PTPRD: variants seen among roughly 807,000 people sequenced by gnomAD.
PTPRD encodes the protein receptor-type tyrosine-protein phosphatase delta.
PTPRD carries 34 observed loss-of-function variants against 214.5 expected under a neutral mutation model. The ratio of observed to expected loss-of-function variants is 0.16; its 90% CI spans 0.12 to 0.21. PTPRD has a LOEUF of 0.21. Ranked by LOEUF, PTPRD falls within the 10% of genes least tolerant of loss-of-function variation. The probability of loss-of-function intolerance (pLI) is 1.00; values close to 1 mark genes in which losing one functional copy is unlikely to be tolerated. For missense variants in PTPRD, 2,545 were observed against 2,398.7 expected, an observed-to-expected ratio of 1.06 and a Z score of -1.27; for synonymous variants, 1,128 against 845.7, an observed-to-expected ratio of 1.33 and a Z score of -5.79.
intron 4 of PTPRD, among the ~76,000 whole-genome samples, chr9:10,031,637 T>TAC (rs1255630031): frequency 3.9e-5 from 3 of 77,400 alleles, no homozygotes; most frequent in African/African-American, 3.0e-4. Flanking sequence ...TATATATATA[T>TAC]ATATATATAT....
intron 26 of PTPRD, among the ~76,000 whole-genome samples, chr9:8,496,797 C>T (rs1239709255): frequency 6.6e-6 from 1 of 152,168 alleles, no homozygotes; most frequent in African/African-American, 2.4e-5. Flanking sequence ...AACATGCAGC[C>T]CAACACAAAC....
At chr9:9,870,373 G>C (rs543436263) in intron 5 of PTPRD, among the ~76,000 whole-genome samples, 38 of 150,708 alleles carry the variant, frequency 2.5e-4, no homozygotes, top group African/African-American at 8.7e-4. Flanking sequence ...AAATAGGGCA[G>C]CCTACAATCT....
At chr9:10,339,144 G>A (rs938467997) in intron 3 of PTPRD, among the ~76,000 whole-genome samples, 3 of 151,674 alleles carry the variant, frequency 2.0e-5, no homozygotes, top group African/African-American at 7.2e-5. Context: ...GGAGAGTCCT[G>A]AAGATTAAAA....
intron 7 of PTPRD, among the ~76,000 whole-genome samples, chr9:9,599,933 C>T (rs976115571): frequency 6.6e-6 from 1 of 151,956 alleles, no homozygotes; most frequent in African/African-American, 2.4e-5. Flanking sequence ...AATATGTCAA[C>T]TGACAGAATT....
At chr9:8,879,803 C>A (rs548198690) in intron 11 of PTPRD, among the ~76,000 whole-genome samples, 2 of 152,224 alleles carry the variant, frequency 1.3e-5, no homozygotes, top group African/African-American at 4.8e-5. Flanking sequence ...AGAGGCTGGA[C>A]CAAATCTGGA....
intron 9 of PTPRD, among the ~76,000 whole-genome samples, chr9:9,245,866 T>G (rs927748520): frequency 6.6e-6 from 1 of 152,112 alleles, no homozygotes; most frequent in South Asian, 2.1e-4. Flanking sequence ...TTCTCACATA[T>G]ATAGATATTA....
chr9:8,471,558 A>G (rs1333935723), intron 30 of PTPRD, among the ~76,000 whole-genome samples: 1 of 152,164 alleles, frequency 6.6e-6, no homozygotes, highest in East Asian at 1.9e-4. Flanking sequence ...AATGCTTTTT[A>G]TTTGAATTAA....
chr9:8,991,015 G>T (rs113047388), intron 11 of PTPRD, among the ~76,000 whole-genome samples: 4,143 of 151,694 alleles, frequency 0.027, 87 homozygotes, highest in Middle Eastern at 0.051. Flanking sequence ...AGGAGTTTGC[G>T]ACCAGCCTGG....
chr9:9,584,154 G>C (rs1213411085), intron 7 of PTPRD, among the ~76,000 whole-genome samples: 1 of 151,722 alleles, frequency 6.6e-6, no homozygotes, highest in African/African-American at 2.4e-5. Flanking sequence ...AGTAATACTA[G>C]CAAGCTATGT....
At chr9:10,235,493 T>C (rs1162739579) in intron 3 of PTPRD, among the ~76,000 whole-genome samples, 1 of 151,988 alleles carries the variant, frequency 6.6e-6, no homozygotes, top group Non-Finnish European at 1.5e-5. Flanking sequence ...CACTTAACCA[T>C]TAGCCAGCAC....
intron 10 of PTPRD, among the ~76,000 whole-genome samples, chr9:9,157,523 T>C (rs941963090): frequency 2.6e-5 from 4 of 152,056 alleles, no homozygotes; most frequent in African/African-American, 4.8e-5. Flanking sequence ...CTAGAAGAAA[T>C]GGATAAATTC....
chr9:9,993,357 C>G (rs750974202), intron 4 of PTPRD, among the ~76,000 whole-genome samples: 6 of 152,166 alleles, frequency 3.9e-5, no homozygotes, highest in African/African-American at 1.2e-4. Flanking sequence ...CAAGAATGTT[C>G]AAGGTCGTAT....
At chr9:8,840,416 T>C (rs1051884490) in intron 11 of PTPRD, among the ~76,000 whole-genome samples, 15 of 152,350 alleles carry the variant, frequency 9.8e-5, no homozygotes, top group Middle Eastern at 3.4e-3. Context: ...CCTTGCCTTC[T>C]GCCATGATTG....
intron 2 of PTPRD, among the ~76,000 whole-genome samples, chr9:10,425,031 C>G (rs1004985147): frequency 3.3e-5 from 5 of 151,806 alleles, no homozygotes; most frequent in Admixed American, 2.6e-4. Context: ...AAATAGAGTA[C>G]CTATATATAG....
intron 6 of PTPRD, among the ~76,000 whole-genome samples, chr9:9,761,101 A>C (rs1031241061): frequency 1.3e-5 from 2 of 152,232 alleles, no homozygotes; most frequent in Admixed American, 6.5e-5. Context: ...ACGTATACAA[A>C]TGCTTATACA....
intron 8 of PTPRD, among the ~76,000 whole-genome samples, chr9:9,509,838 A>G (rs150258857): frequency 6.6e-6 from 1 of 151,414 alleles, no homozygotes; most frequent in East Asian, 1.9e-4. Context: ...TTGCTGTCCT[A>G]TACAATTACT....
chr9:9,565,363 T>A (rs563651080), intron 8 of PTPRD, among the ~76,000 whole-genome samples: 8 of 151,950 alleles, frequency 5.3e-5, no homozygotes, highest in African/African-American at 1.9e-4. Context: ...ATGAGTGAAA[T>A]GTTTATTAAA....
At chr9:9,264,736 A>G (rs1167145821) in intron 9 of PTPRD, among the ~76,000 whole-genome samples, 1 of 151,642 alleles carries the variant, frequency 6.6e-6, no homozygotes, top group Non-Finnish European at 1.5e-5. Flanking sequence ...AAGACACATT[A>G]AAATAAAACT....
At chr9:8,395,297 A>G (rs968253109) in intron 36 of PTPRD, among the ~76,000 whole-genome samples, 1 of 152,156 alleles carries the variant, frequency 6.6e-6, no homozygotes, top group African/African-American at 2.4e-5. Context: ...TGCTGTTAAT[A>G]TAGGTTAAGA....
Sources: allele counts gnomAD v4.1 joint callset (sites outside exome capture counted in the v4.1 genomes callset), GRCh38; gene constraint gnomAD v4.1.1; transcripts MANE v1.5; gene names NCBI Gene and HGNC (gene_info 2026-07-23, HGNC 2026-07-21).